The following PCDH11X variants were observed in gnomAD, a reference collection of about 807,000 sequenced individuals.
PCDH11X encodes the protein protocadherin-11 X-linked.
In PCDH11X, 18 loss-of-function variants were observed where a neutral mutation model predicts 53.3. The observed-to-expected ratio is 0.34, with a 90% CI of 0.23 to 0.50. The LOEUF (loss-of-function observed/expected upper bound fraction) is 0.50, where lower values mean the gene tolerates loss of function less well. Ranked by LOEUF, PCDH11X falls within the 20% of genes least tolerant of loss-of-function variation. The pLI is 0.98. For synonymous variants in PCDH11X, 279 were observed against 393.3 expected (o/e 0.71, Z 3.44); for missense variants, 570 against 1,032.4 (o/e 0.55, Z 6.14).
intron 6 of PCDH11X, among the ~76,000 whole-genome samples, chrX:92,155,598 A>C (rs1603069810): frequency 1.2e-4 from 10 of 85,341 alleles, no homozygotes; most frequent in East Asian, 4.0e-4. Flanking sequence ...ATTGACTGTC[A>C]CCTCAGTTAC....
intron 8 of PCDH11X, among the ~76,000 whole-genome samples, chrX:92,350,798 C>G (rs1296488932): frequency 3.6e-5 from 4 of 111,712 alleles, no homozygotes; most frequent in Non-Finnish European, 1.9e-5. Context: ...AGTATCCACC[C>G]AGAACAGCTT....
At chrX:91,801,614 T>A (rs866271842) in intron 1 of PCDH11X, among the ~76,000 whole-genome samples, 1 of 112,519 alleles carries the variant, frequency 8.9e-6, no homozygotes, top group African/African-American at 3.2e-5. Context: ...ATAAATTACA[T>A]ATTTTAAAAC....
intron 9 of PCDH11X, among the ~76,000 whole-genome samples, chrX:92,461,790 A>T (rs751345696): frequency 7.7e-4 from 86 of 111,347 alleles, no homozygotes; most frequent in African/African-American, 2.6e-3. Context: ...GAAGGGGGGG[A>T]AATATTTGTA....
intron 4 of PCDH11X, chrX:91,834,826 A>G (rs1194617177): frequency 3.5e-4 from 58 of 166,648 alleles, no homozygotes; most frequent in Non-Finnish European, 4.6e-4. Flanking sequence ...AAAATCCTCT[A>G]ATCCCCTTTT....
intron 6 of PCDH11X, chrX:91,882,934 A>G: frequency 8.4e-7 from 1 of 1,185,350 alleles, no homozygotes; most frequent in African/African-American, 1.7e-5. Flanking sequence ...AACTATTGAA[A>G]TCTGCAGTGA....
At chrX:92,053,666 G>C (rs1355615515) in intron 6 of PCDH11X, among the ~76,000 whole-genome samples, 1 of 107,826 alleles carries the variant, frequency 9.3e-6, no homozygotes, top group East Asian at 3.0e-4. Flanking sequence ...TGCCGCCCGG[G>C]TTCAAGCGAT....
chrX:92,495,734 G>A (rs933992629), intron 10 of PCDH11X, among the ~76,000 whole-genome samples: 4 of 107,142 alleles, frequency 3.7e-5, no homozygotes, highest in Non-Finnish European at 7.6e-5. Context: ...CATGGTGGAA[G>A]GCAAAAGGCA....
rs376264443 is a variant in PCDH11X, at chrX:92,088,506, G to C, written c.3034-112869G>C. Among the ~76,000 whole-genome samples the C allele has an allele frequency of 5.9e-4, 65 of 109,992 alleles. 1 individual carries two copies. The highest frequency in any genetic ancestry group is 2.0e-3 in the African/African-American group (62 of 30,279). ...GATAATTCTCATTTTCAATAAGTAG[G>C]AAATGGGTTGTAAGAAGAGAAATTA... On this transcript the variant is annotated intron_variant, in intron 6 of 10. Transcript: ENST00000682573.
intron 1 of PCDH11X, among the ~76,000 whole-genome samples, chrX:91,802,973 C>A (rs780392132): frequency 9.0e-6 from 1 of 111,411 alleles, no homozygotes; most frequent in East Asian, 2.8e-4. Flanking sequence ...TGGCTAAGAT[C>A]AAATGAAAGT....
intron 6 of PCDH11X, among the ~76,000 whole-genome samples, chrX:91,978,718 C>G (rs1041959575): frequency 3.6e-5 from 4 of 112,010 alleles, no homozygotes; most frequent in Non-Finnish European, 7.5e-5. Context: ...GCTTATTCAT[C>G]TTACATCTTT....
At chrX:92,529,492 T>C (rs2074517205) in intron 10 of PCDH11X, among the ~76,000 whole-genome samples, 2 of 109,125 alleles carry the variant, frequency 1.8e-5, no homozygotes, top group Non-Finnish European at 3.8e-5. Context: ...AAAGAGCAAC[T>C]ATAGGAGTTA....
chrX:92,111,040 A>G (rs1389437022), intron 6 of PCDH11X, among the ~76,000 whole-genome samples: 3 of 107,164 alleles, frequency 2.8e-5, no homozygotes, highest in Non-Finnish European at 5.7e-5. Context: ...AACAGCAAAT[A>G]TTTTCACCTG....
At chrX:92,321,568 T>C (rs1479567681) in intron 8 of PCDH11X, among the ~76,000 whole-genome samples, 1 of 111,807 alleles carries the variant, frequency 8.9e-6, no homozygotes, top group Non-Finnish European at 1.9e-5. Context: ...AAAAACCTTG[T>C]GGAAGGTTAA....
intron 7 of PCDH11X, among the ~76,000 whole-genome samples, chrX:92,255,392 T>G (rs1295827729): frequency 9.8e-6 from 1 of 102,007 alleles, no homozygotes; most frequent in Non-Finnish European, 2.0e-5. Context: ...TTGAATGTCC[T>G]CCCGTAGCTC....
chrX:92,551,987 T>TA lies in PCDH11X; in HGVS notation c.3368-66277_3368-66276insA, dbSNP rs202062703. 8.5e-3 allele frequency among the ~76,000 whole-genome samples: 337 copies of TA among 39,464 alleles called. 7 individuals carry two copies. The highest frequency in any genetic ancestry group is 0.02 in the African/African-American group (304 of 14,934). 34.3% of individuals were successfully genotyped at this position (39,464 alleles called of 115,157 possible). A position where few individuals can be genotyped will look rare whatever the true frequency, so the allele number is the denominator to read the frequency against. Reference sequence around the variant, plus strand: ...TTGAAGTCAGGTAAGGTGATTCCTCTGGTTTTTTTTTTTTTTTTTTCTCAG... The same window carrying TA: ...TTGAAGTCAGGTAAGGTGATTCCTCTAGGTTTTTTTTTTTTTTTTTTCTCAG... On this transcript the variant is annotated intron_variant, in intron 10 of 10. Coordinates refer to ENST00000682573, the MANE Select transcript of PCDH11X (RefSeq NM_032968.5).
chrX:92,300,153 A>C (rs2068690961), intron 8 of PCDH11X, among the ~76,000 whole-genome samples: 2 of 109,225 alleles, frequency 1.8e-5, no homozygotes, highest in Middle Eastern at 4.6e-3. Flanking sequence ...TTTTTATTGC[A>C]CTGTGGTCCG....
intron 6 of PCDH11X, among the ~76,000 whole-genome samples, chrX:91,954,260 T>C (rs1392482776): frequency 2.3e-4 from 26 of 111,111 alleles, no homozygotes; most frequent in Non-Finnish European, 3.8e-5. Flanking sequence ...GAATGATGGC[T>C]TCTAGCTTCA....
chrX:92,093,545 T>A (rs1367095225), intron 6 of PCDH11X, among the ~76,000 whole-genome samples: 1 of 111,636 alleles, frequency 9.0e-6, no homozygotes, highest in African/African-American at 3.3e-5. Context: ...CGTAAGGAAA[T>A]TACCTTTATT....
At chrX:92,504,465 A>C (rs1398249843) in intron 10 of PCDH11X, among the ~76,000 whole-genome samples, 1 of 111,663 alleles carries the variant, frequency 9.0e-6, no homozygotes, top group Non-Finnish European at 1.9e-5. Context: ...ATGGCTACAT[A>C]GTATTGGATC....
Sources: gnomAD v4.1 joint callset for allele counts (sites outside exome capture counted in the v4.1 genomes callset) on GRCh38, gnomAD v4.1.1 for gene constraint, MANE v1.5 for transcripts, NCBI Gene and HGNC (gene_info 2026-07-23, HGNC 2026-07-21) for gene names.